Variants in GCLC observed in about 807,000 individuals in gnomAD.
GCLC encodes glutamate-cysteine ligase catalytic subunit.
A neutral mutation model predicts 81.5 loss-of-function variants in GCLC; 30 were observed. The ratio of observed to expected loss-of-function variants is 0.37; its 90% confidence interval spans 0.28 to 0.50. The LOEUF is 0.50. Among genes scored for constraint, GCLC ranks in the 20% least tolerant of loss-of-function variants. The probability of loss-of-function intolerance (pLI) is 0.96; values close to 1 mark genes in which losing one functional copy is unlikely to be tolerated. For missense variants in GCLC, 556 were observed against 777.4 expected, an observed-to-expected ratio of 0.72 and a Z score of 3.39; for synonymous variants, 262 against 273.3, an observed-to-expected ratio of 0.96 and a Z score of 0.41.
chr6:53,531,126 C>T (rs1763164740), intron 1 of GCLC, among the ~76,000 whole-genome samples: 1 of 152,120 alleles, frequency 6.6e-6, no homozygotes, highest in Non-Finnish European at 1.5e-5. Context: ...GTATTAAGTA[C>T]ACTGTACCAC....
rs1561936114 is a variant in GCLC at position 53,498,692 on chromosome 6, CTGG to C, written c.*61_*63del. On this transcript the variant is annotated 3_prime_UTR_variant, in exon 16 of 16. Coordinates refer to ENST00000650454, the MANE Select transcript of GCLC (RefSeq NM_001498.4). ...TTGGTCTTCATATTATACACACGGG[CTGG>C]CTGAGAGGCATGGTACTGTAGCCAG... The C allele has an allele frequency of 5.1e-5, 14 of 274,266 alleles. No homozygotes were observed. In the East Asian group the frequency reaches 7.7e-4, roughly 15 times the overall value. The allele number at this position is 274,266 out of a possible 1,614,324, so 17.0% of individuals were successfully genotyped here.
intron 7 of GCLC, 74 bp from the exon 8 acceptor site, chr6:53,508,785 A>G (rs971924415): frequency 1.4e-5 from 14 of 983,312 alleles, no homozygotes; most frequent in Non-Finnish European, 2.1e-5. Context: ...CCATGCAGTT[A>G]TATTTCTGAT....
chr6:53,530,419 A>G (rs1275425252), intron 1 of GCLC, among the ~76,000 whole-genome samples: 1 of 152,204 alleles, frequency 6.6e-6, no homozygotes, highest in Admixed American at 6.5e-5. Context: ...CTTCCCTGCC[A>G]TATTTGAAAT....
chr6:53,504,760 C>T (rs1764581071), intron 12 of GCLC, among the ~76,000 whole-genome samples: 1 of 152,154 alleles, frequency 6.6e-6, no homozygotes, highest in African/African-American at 2.4e-5. Context: ...ACAGGGCTAC[C>T]CTACTTCTCC....
chr6:53,504,484 C>A (rs1274166071), intron 12 of GCLC, among the ~76,000 whole-genome samples: 3 of 152,192 alleles, frequency 2.0e-5, no homozygotes, highest in African/African-American at 7.2e-5. Flanking sequence ...TAAGCAAAGG[C>A]TTAGACTGGT....
chr6:53,538,005 C>T (rs1301487062), intron 1 of GCLC, among the ~76,000 whole-genome samples: 1 of 152,044 alleles, frequency 6.6e-6, no homozygotes, highest in Non-Finnish European at 1.5e-5. Flanking sequence ...TTGCCCAAAG[C>T]TATAGAGAAC....
chr6:53,498,690 G>A lies in GCLC; in HGVS notation c.*66C>T. On this transcript the variant is annotated 3_prime_UTR_variant, in exon 16 of 16. Coordinates refer to ENST00000650454, the MANE Select transcript of GCLC (RefSeq NM_001498.4). ...ATTTGGTCTTCATATTATACACACG[G>A]GCTGGCTGAGAGGCATGGTACTGTA... The A allele has an allele frequency of 3.7e-6, 1 of 267,484 alleles. No homozygotes were observed. The highest frequency in any genetic ancestry group is 5.3e-5 in the South Asian group (1 of 18,880). The allele number at this position is 267,484 out of a possible 1,614,324, so 16.6% of individuals were successfully genotyped here.
intron 3 of GCLC, among the ~76,000 whole-genome samples, chr6:53,520,372 G>C (rs1016221523): frequency 6.6e-6 from 1 of 152,226 alleles, no homozygotes; most frequent in African/African-American, 2.4e-5. Context: ...GCTGCTTTTT[G>C]AAAGTGCATG....
At chr6:53,521,708 T>C (rs942724731) in intron 2 of GCLC, among the ~76,000 whole-genome samples, 6 of 152,052 alleles carry the variant, frequency 3.9e-5, no homozygotes, top group African/African-American at 1.4e-4. Flanking sequence ...GTGCGGTGGC[T>C]CATGCTTGTA....
chr6:53,503,550 C>A (rs943545176), intron 12 of GCLC, among the ~76,000 whole-genome samples: 8 of 152,180 alleles, frequency 5.3e-5, no homozygotes, highest in Non-Finnish European at 1.0e-4. Flanking sequence ...CTGAAAACTT[C>A]TTTCCATCTA....
chr6:53,522,683 T>C (rs1763019717), intron 1 of GCLC, 156 bp from the exon 2 acceptor site: 1 of 592,710 alleles, frequency 1.7e-6, no homozygotes, highest in Non-Finnish European at 3.1e-6. Context: ...TAAGTGTTCA[T>C]ATGCATAATA....
intron 2 of GCLC, among the ~76,000 whole-genome samples, chr6:53,522,131 A>C (rs1763010351): frequency 6.6e-6 from 1 of 152,222 alleles, no homozygotes; most frequent in Non-Finnish European, 1.5e-5. Flanking sequence ...TTACTGTACA[A>C]AGTGCTTCAT....
intron 3 of GCLC, among the ~76,000 whole-genome samples, chr6:53,516,950 G>C (rs576492905): frequency 1.3e-5 from 2 of 152,154 alleles, no homozygotes; most frequent in South Asian, 2.1e-4. Context: ...AGGAATTTGA[G>C]GTCAATATTA....
At chr6:53,509,094 T>C (rs1290589694) in intron 7 of GCLC, 82 bp downstream of exon 7, 2 of 863,612 alleles carry the variant, frequency 2.3e-6, no homozygotes, top group East Asian at 4.9e-5. Flanking sequence ...TGGACTTAAA[T>C]AGCACACTGT....
chr6:53,508,077 T>C (rs1764651113), intron 8 of GCLC, among the ~76,000 whole-genome samples: 1 of 152,148 alleles, frequency 6.6e-6, no homozygotes. Context: ...AAAAACACCC[T>C]TGTTCGGGTC....
intron 6 of GCLC, among the ~76,000 whole-genome samples, chr6:53,511,732 T>A: frequency 6.6e-6 from 1 of 151,394 alleles, no homozygotes; most frequent in East Asian, 1.9e-4. Context: ...TAATTTGGGC[T>A]TCTAGTGTCG....
chr6:53,501,505 T>C (rs1764513253), intron 12 of GCLC, among the ~76,000 whole-genome samples: 1 of 152,250 alleles, frequency 6.6e-6, no homozygotes, highest in Non-Finnish European at 1.5e-5. Context: ...GTTTTAGTAG[T>C]AATCCCTTAT....
chr6:53,522,738 C>T, intron 1 of GCLC: 1 of 489,352 alleles, frequency 2.0e-6, no homozygotes, highest in South Asian at 2.1e-5. Flanking sequence ...ACTTCCATCC[C>T]TTCTTTCCTC....
At chr6:53,507,769 T>C (rs547401878) in intron 8 of GCLC, 151 bp from the exon 9 acceptor site, 2 of 411,226 alleles carry the variant, frequency 4.9e-6, no homozygotes, top group South Asian at 5.9e-5. Flanking sequence ...ATTATGTTTT[T>C]TAAAATCTGA....
Sources: gnomAD v4.1 joint callset for allele counts (sites outside exome capture counted in the v4.1 genomes callset) on GRCh38, gnomAD v4.1.1 for gene constraint, MANE v1.5 for transcripts, NCBI Gene and HGNC (gene_info 2026-07-23, HGNC 2026-07-21) for gene names.